The following SATB2 variants were observed in gnomAD, a reference collection of about 807,000 sequenced individuals.
SATB2 encodes the protein DNA-binding protein SATB2.
In SATB2, 1 loss-of-function variant was observed where a neutral mutation model predicts 73.4. That is an observed-to-expected ratio of 0.01 (90% CI 0.00 to 0.06). The LOEUF is 0.06. Among genes scored for constraint, SATB2 ranks in the 10% least tolerant of loss-of-function variants. The pLI, the probability that SATB2 is intolerant of heterozygous loss-of-function variation, is 1.00. For missense variants in SATB2, 459 were observed against 945.8 expected (o/e 0.49, Z 6.75); for synonymous variants, 397 against 367.0 (o/e 1.08, Z -0.93).
chr2:199,308,398 T>C lies in SATB2; in HGVS notation c.1740+362A>G, dbSNP rs1687495266. ...GCAAAACTACTTCACAGGTTTTTTA[T>C]AGAAAATGAACTGATGGAAACCATG... On this transcript the variant is annotated intron_variant, in intron 10 of 10. Transcript: ENST00000417098. This position sits in a 1 kb window ranked among gnomAD's most constrained non-coding sequence, Gnocchi z 4.6. Among the ~76,000 whole-genome samples, 2 of 152,192 alleles carry C rather than the reference T, an allele frequency of 1.3e-5. No individual in the cohort carries two copies. Among genetic ancestry groups the C allele is most frequent in the Admixed American group, 6.5e-5 (1 of 15,282 alleles).
intron 3 of SATB2, among the ~76,000 whole-genome samples, chr2:199,420,760 T>TG (rs1403079051): frequency 6.6e-6 from 1 of 152,130 alleles, no homozygotes; most frequent in Non-Finnish European, 1.5e-5. Context: ...TAATATCTAG[T>TG]GGGGGTCACA....
chr2:199,362,912 C>A (rs1689179879), intron 6 of SATB2, among the ~76,000 whole-genome samples: 1 of 152,114 alleles, frequency 6.6e-6, no homozygotes, highest in South Asian at 2.1e-4. Flanking sequence ...CCCTTTGCAT[C>A]CTTTCTTAAT....
At chr2:199,410,384 GTCT>G (rs1393944236) in intron 3 of SATB2, among the ~76,000 whole-genome samples, 1 of 152,168 alleles carries the variant, frequency 6.6e-6, no homozygotes, top group Non-Finnish European at 1.5e-5. Flanking sequence ...CTCGGGGAGA[GTCT>G]TCTTGTCTCA....
intron 2 of SATB2, among the ~76,000 whole-genome samples, chr2:199,444,731 C>T (rs561878901): frequency 5.9e-5 from 9 of 152,212 alleles, no homozygotes; most frequent in African/African-American, 2.2e-4. Flanking sequence ...TGGGTGAACT[C>T]GAGTATCACC....
intron 10 of SATB2, among the ~76,000 whole-genome samples, chr2:199,300,252 T>G (rs948824279): frequency 6.6e-6 from 1 of 151,196 alleles, no homozygotes; most frequent in Non-Finnish European, 1.5e-5. Context: ...CAACATTGAG[T>G]TGACCAATAG....
intron 3 of SATB2, among the ~76,000 whole-genome samples, chr2:199,418,108 T>C (rs1648301642): frequency 6.6e-6 from 1 of 152,230 alleles, no homozygotes; most frequent in Non-Finnish European, 1.5e-5. Context: ...TTACCCTGTG[T>C]CAAGGGCAAT....
intron 7 of SATB2, among the ~76,000 whole-genome samples, chr2:199,331,206 TTTG>T (rs1227320976): frequency 6.6e-5 from 7 of 105,820 alleles, no homozygotes; most frequent in Non-Finnish European, 8.2e-5. Context: ...AGTGTTTTAA[TTTG>T]TTTCTTGTTT....
chr2:199,291,531 T>C (rs1692859889), intron 10 of SATB2, among the ~76,000 whole-genome samples: 1 of 152,156 alleles, frequency 6.6e-6, no homozygotes. Context: ...TTACTGAGAG[T>C]ACAGTTTTTA....
intron 3 of SATB2, among the ~76,000 whole-genome samples, chr2:199,429,950 A>T (rs913920263): frequency 5.9e-5 from 9 of 152,216 alleles, no homozygotes; most frequent in African/African-American, 2.2e-4. Flanking sequence ...AGTCAATTTT[A>T]AAATTTATTT....
chr2:199,272,672 C>T lies in SATB2; in HGVS notation c.1741G>A (p.Val581Ile). Residue 581 changes from valine (V) to isoleucine (I), a missense_variant and splice_region_variant, in exon 11 of 11, where the codon GTA (valine) becomes ATA (isoleucine). Around this residue, in one of 13 missense-constraint regions of SATB2, gnomAD observed 74 missense variants for 136.1 expected, o/e 0.54. Coordinates refer to ENST00000417098, the MANE Select transcript of SATB2 (RefSeq NM_001172509.2). The surrounding 1 kb of genome is among the most constrained non-coding windows in gnomAD (Gnocchi z 6.7). ...GGCTGAGACTGCTGTCTATGAAGTA[C>T]CTGATAATTAAGAGAGAAAAAAATG... is the stretch of plus-strand genomic sequence containing the variant. ...VVQLPPEPVQ[V>I]LHRQQSQPAK... is the part of the protein sequence containing the mutation. 2 of 1,613,390 alleles carry T rather than the reference C, an allele frequency of 1.2e-6. No individual in the cohort carries two copies. Among genetic ancestry groups the T allele is most frequent in the South Asian group, 2.2e-5 (2 of 91,060 alleles).
intron 3 of SATB2, among the ~76,000 whole-genome samples, chr2:199,431,926 G>C (rs184691785): frequency 6.6e-6 from 1 of 152,220 alleles, no homozygotes; most frequent in African/African-American, 2.4e-5. Flanking sequence ...TTTGTGGGGG[G>C]AAGGGAAGGG....
At chr2:199,345,103 C>G (rs1334904094) in intron 7 of SATB2, among the ~76,000 whole-genome samples, 2 of 152,104 alleles carry the variant, frequency 1.3e-5, no homozygotes, top group East Asian at 3.9e-4. Flanking sequence ...CCTGGCATTT[C>G]TTCTCTCTTT....
chr2:199,345,527 C>A (rs1016962083), intron 7 of SATB2, among the ~76,000 whole-genome samples: 3 of 151,124 alleles, frequency 2.0e-5, no homozygotes, highest in African/African-American at 7.3e-5. Flanking sequence ...ATCACTTTAA[C>A]CTTACTCCAA....
At chr2:199,289,617 T>G (rs563453323) in intron 10 of SATB2, among the ~76,000 whole-genome samples, 1 of 152,310 alleles carries the variant, frequency 6.6e-6, no homozygotes, top group East Asian at 1.9e-4. Context: ...CTTTCAAATG[T>G]GAATACGCTT....
chr2:199,324,127 G>A (rs1421467604), intron 8 of SATB2, among the ~76,000 whole-genome samples, 169 bp from the exon 9 acceptor site: 1 of 152,088 alleles, frequency 6.6e-6, no homozygotes, highest in Non-Finnish European at 1.5e-5. Flanking sequence ...GGAAATAATT[G>A]CAGTGCATTC....
chr2:199,469,626 G>A (rs1036895361), upstream of SATB2: 1 of 152,358 alleles, frequency 6.6e-6, no homozygotes, highest in Non-Finnish European at 1.5e-5. Context: ...CCTGGCCCCC[G>A]GCAGAGCATA....
chr2:199,359,665 C>T (rs1346070442), intron 6 of SATB2, among the ~76,000 whole-genome samples: 1 of 152,156 alleles, frequency 6.6e-6, no homozygotes, highest in African/African-American at 2.4e-5. Context: ...AGGCCTCATG[C>T]TCACAGGACT....
At chr2:199,285,146 C>T (rs1692648254) in intron 10 of SATB2, among the ~76,000 whole-genome samples, 1 of 152,020 alleles carries the variant, frequency 6.6e-6, no homozygotes, top group Admixed American at 6.6e-5. Flanking sequence ...AAATATAACA[C>T]ATTATTGGGG....
upstream of SATB2, chr2:199,458,666 G>A (rs1315802402): frequency 2.3e-6 from 1 of 442,562 alleles, no homozygotes; most frequent in South Asian, 1.6e-5. Context: ...CGACGCGCAA[G>A]AGGCGACCGC....
Sources: allele counts gnomAD v4.1 joint callset (sites outside exome capture counted in the v4.1 genomes callset), GRCh38; gene constraint gnomAD v4.1.1; regional missense constraint gnomAD v4.1.1; non-coding constraint Gnocchi (gnomAD v3.1); transcripts MANE v1.5; gene names NCBI Gene and HGNC (gene_info 2026-07-23, HGNC 2026-07-21).